Variants in CYP3A4 observed in about 807,000 individuals in gnomAD.
CYP3A4 encodes cytochrome P450 3A4.
CYP3A4 carries 41 observed loss-of-function variants against 54.9 expected under a neutral mutation model. The ratio of observed to expected loss-of-function variants is 0.75; its 90% CI spans 0.58 to 0.97. The LOEUF (loss-of-function observed/expected upper bound fraction) is 0.97, where lower values mean the gene tolerates loss of function less well. Among genes scored for constraint, CYP3A4 ranks in the 50% least tolerant of loss-of-function variants. The probability of loss-of-function intolerance (pLI) is 0.00; values close to 1 mark genes in which losing one functional copy is unlikely to be tolerated. For synonymous variants in CYP3A4, 179 were observed against 205.2 expected, an observed-to-expected ratio of 0.87 and a Z score of 1.09; for missense variants, 510 against 597.3, an observed-to-expected ratio of 0.85 and a Z score of 1.52.
intron 7 of CYP3A4, among the ~76,000 whole-genome samples, chr7:99,767,883 T>TAATGTCTA (rs1815514432): frequency 1.3e-5 from 2 of 152,294 alleles, no homozygotes; most frequent in South Asian, 4.1e-4. Context: ...GTTACAGCTG[T>TAATGTCTA]AATGTCTAAA....
intron 10 of CYP3A4, among the ~76,000 whole-genome samples, chr7:99,763,412 T>G (rs1815389214): frequency 6.6e-6 from 1 of 151,970 alleles, no homozygotes; most frequent in Non-Finnish European, 1.5e-5. Flanking sequence ...AAAAGTCACA[T>G]GTCTGTAACC....
intron 11 of CYP3A4, among the ~76,000 whole-genome samples, 183 bp from the exon 12 acceptor site, chr7:99,761,164 C>T (rs1264132188): frequency 6.6e-6 from 1 of 152,184 alleles, no homozygotes; most frequent in Non-Finnish European, 1.5e-5. Flanking sequence ...CAGATCCTTT[C>T]TACTCTCCTG....
At chr7:99,782,423 G>T (rs1039296654) in intron 1 of CYP3A4, among the ~76,000 whole-genome samples, 1 of 152,118 alleles carries the variant, frequency 6.6e-6, no homozygotes, top group Non-Finnish European at 1.5e-5. Context: ...CCTAAGGAGG[G>T]CATTGTCTGC....
rs57409622 is a variant in CYP3A4, at chr7:99,769,805, G to A, written c.484C>T (p.Arg162Trp). 2.3e-4 allele frequency: 372 copies of A among 1,613,856 alleles called. No homozygotes were observed. In the African/African-American group the frequency reaches 3.8e-3, roughly 16 times the overall value. ...YGDVLVRNLR[R>W]EAETGKPVTL... Reference sequence around the variant, plus strand: ...ACAGGCTTGCCTGTCTCTGCTTCCCGCCTCAGATTTCTCACCAACACATCT... The same window carrying A: ...ACAGGCTTGCCTGTCTCTGCTTCCCACCTCAGATTTCTCACCAACACATCT... Residue 162 changes from arginine (R) to tryptophan (W), a missense_variant, in exon 6 of 13, where the codon CGG (arginine) becomes TGG (tryptophan). Physicochemically the swap from Arg to Trp is moderately radical, Grantham distance 101 (BLOSUM62 -3). Coordinates refer to ENST00000651514, the MANE Select transcript of CYP3A4 (RefSeq NM_017460.6).
At chr7:99,760,712 G>A (rs1184446083) in intron 12 of CYP3A4, 107 bp downstream of exon 12, 5 of 1,419,738 alleles carry the variant, frequency 3.5e-6, no homozygotes, top group Non-Finnish European at 4.8e-6. Flanking sequence ...TTGGCCCAGA[G>A]AACAAATTAG....
chr7:99,772,497 G>C, intron 4 of CYP3A4, 93 bp downstream of exon 4: 1 of 1,532,528 alleles, frequency 6.5e-7, no homozygotes, highest in Non-Finnish European at 8.9e-7. Context: ...AACCTTCCTG[G>C]ACATTTTTTA....
At chr7:99,760,673 A>G in intron 12 of CYP3A4, 146 bp downstream of exon 12, 1 of 1,113,992 alleles carries the variant, frequency 9.0e-7, no homozygotes, top group Non-Finnish European at 1.3e-6. Flanking sequence ...AAGCACCCTT[A>G]AAGATCACAG....
At chr7:99,760,461 G>A (rs79824544) in intron 12 of CYP3A4, among the ~76,000 whole-genome samples, 2 of 152,262 alleles carry the variant, frequency 1.3e-5, no homozygotes, top group East Asian at 3.9e-4. Flanking sequence ...GTTCTGGTTG[G>A]GAAGAGCAGC....
rs779666359 is a variant in CYP3A4 at position 99,778,099 on chromosome 7, TA to T, written c.166-20del. On this transcript the variant is annotated intron_variant, in intron 2 of 12. Coordinates refer to ENST00000651514, the MANE Select transcript of CYP3A4 (RefSeq NM_017460.6). ...AAAAGCCCTGGGAGGAGAAACAAAA[TA>T]ATATTTGATTATTATTTTTAATGTA... is the stretch of plus-strand genomic sequence containing the variant. The T allele has an allele frequency of 2.5e-6, 4 of 1,592,126 alleles. No individual in the cohort carries two copies.
intron 12 of CYP3A4, among the ~76,000 whole-genome samples, chr7:99,758,943 T>C (rs913071936): frequency 6.6e-6 from 1 of 152,162 alleles, no homozygotes; most frequent in Non-Finnish European, 1.5e-5. Flanking sequence ...TCCTTCCGTG[T>C]TGAGGGGACA....
chr7:99,779,443 C>A (rs1815857697), intron 2 of CYP3A4, among the ~76,000 whole-genome samples: 1 of 152,096 alleles, frequency 6.6e-6, no homozygotes, highest in Admixed American at 6.6e-5. Context: ...CATGGAGATA[C>A]CCTCAGGGAA....
chr7:99,777,011 A>G lies in CYP3A4; in HGVS notation c.218+1017T>C, dbSNP rs1815787541. On this transcript the variant is annotated intron_variant, in intron 3 of 12. Coordinates refer to ENST00000651514, the MANE Select transcript of CYP3A4 (RefSeq NM_017460.6). ...TAAATTTAATAACAAAACAGAATGA[A>G]AAGTTCCACACTTGCAGATAAAATT... Among the ~76,000 whole-genome samples the G allele has an allele frequency of 2.0e-5, 3 of 152,320 alleles. No individual in the cohort carries two copies. The South Asian group carries it at 6.2e-4, about 32-fold the overall frequency.
intron 12 of CYP3A4, among the ~76,000 whole-genome samples, chr7:99,758,782 T>C (rs1313435049): frequency 4.6e-5 from 7 of 152,166 alleles, no homozygotes; most frequent in African/African-American, 1.4e-4. Context: ...ATTGAACCCA[T>C]CCAGTGTAAA....
rs182034624 is a variant in CYP3A4 at position 99,781,523 on chromosome 7, G to A, written c.72-1438C>T. 1.8e-4 allele frequency among the ~76,000 whole-genome samples: 28 copies of A among 152,198 alleles called. No homozygotes were observed. In the South Asian group the frequency reaches 2.3e-3, roughly 12 times the overall value. The stretch of plus-strand genomic sequence containing the variant: ...TTGATGGGTCATGTATGAACTCCCC[G>A]AACTGGGGTTTCTGGATGTCTGAAG... On this transcript the variant is annotated intron_variant, in intron 1 of 12. Coordinates refer to ENST00000651514, the MANE Select transcript of CYP3A4 (RefSeq NM_017460.6).
At chr7:99,778,798 A>C (rs1279331761) in intron 2 of CYP3A4, among the ~76,000 whole-genome samples, 1 of 152,212 alleles carries the variant, frequency 6.6e-6, no homozygotes, top group African/African-American at 2.4e-5. Context: ...TGACATTTTA[A>C]CTGTGCAAAC....
rs1369306462 is a variant in CYP3A4, at chr7:99,768,651, T to C, written c.522-149A>G. The C allele has an allele frequency of 6.1e-6, 9 of 1,482,086 alleles. No homozygotes were observed. In the African/African-American group the frequency reaches 1.3e-4, roughly 21 times the overall value. 91.8% of individuals were successfully genotyped at this position (1,482,086 alleles called of 1,614,324 possible). A position where few individuals can be genotyped will look rare whatever the true frequency, so the allele number is the denominator to read the frequency against. ...CTAGATCACCTTCTATCACACTCCA[T>C]CAGAAGGTGTTATCAGGTGCCAGTG... is the stretch of plus-strand genomic sequence containing the variant. On this transcript the variant is annotated intron_variant, in intron 6 of 12. Transcript: ENST00000651514.
chr7:99,764,405 G>A (rs1007992679), intron 9 of CYP3A4, among the ~76,000 whole-genome samples: 5 of 152,158 alleles, frequency 3.3e-5, no homozygotes, highest in Non-Finnish European at 7.3e-5. Context: ...CAAGAAAAAT[G>A]TAATTTATTT....
Position 99,762,261 on chromosome 7 carries a change from G to T in CYP3A4, c.1033C>A (p.Pro345Thr), listed in dbSNP as rs769509779. 1 of 1,613,992 alleles carries T rather than the reference G, an allele frequency of 6.2e-7. No homozygotes were observed. Among genetic ancestry groups the T allele is most frequent in the Non-Finnish European group, 8.5e-7 (1 of 1,179,976 alleles). The change falls in exon 11 of 13, where the codon CCC (proline) becomes ACC (threonine). Residue 345 changes from proline to threonine, a missense_variant. By Grantham distance (38) the Pro-to-Thr change is conservative (BLOSUM62 -1). Around this residue, in one of 2 missense-constraint regions of CYP3A4, gnomAD observed 238 missense variants for 322.5 expected, o/e 0.74. Transcript: ENST00000651514. ...IDAVLPNKAP[P>T]TYDTVLQMEY... is the part of the protein sequence containing the mutation. ...ATCTGTAGCACAGTATCATAGGTGG[G>T]TGGTGCCTGGAAAGAACGAAACAGA...
rs150588318 is a variant in CYP3A4, at chr7:99,764,712, T to C, written c.866-697A>G. Among the ~76,000 whole-genome samples, 20 of 152,322 alleles carry C rather than the reference T, an allele frequency of 1.3e-4. No individual in the cohort carries two copies. The East Asian group carries it at 3.5e-3, about 26-fold the overall frequency. On this transcript the variant is annotated intron_variant, in intron 9 of 12. Transcript: ENST00000651514. ...AGCTTGAGAAGCACGGATTATATCT[T>C]TGAGAGGCATCAGGTGATAGATCTA... is the stretch of plus-strand genomic sequence containing the variant.
Sources: gnomAD v4.1 joint callset for allele counts (sites outside exome capture counted in the v4.1 genomes callset) on GRCh38, gnomAD v4.1.1 for gene constraint, gnomAD v4.1.1 regional missense constraint, MANE v1.5 for transcripts, NCBI Gene and HGNC (gene_info 2026-07-23, HGNC 2026-07-21) for gene names.